NEK1: variants seen among roughly 807,000 people sequenced by gnomAD.
NEK1 encodes NIMA related kinase 1, also known as serine/threonine-protein kinase Nek1.
Under a neutral mutation model 182.1 loss-of-function variants are expected in NEK1, and 137 were observed. That is an observed-to-expected ratio of 0.75 (90% CI 0.65 to 0.87). The LOEUF is 0.87. Among genes scored for constraint, NEK1 ranks in the 40% least tolerant of loss-of-function variants. The pLI is 0.00. For missense variants in NEK1, 1,391 were observed against 1,494.4 expected (o/e 0.93, Z 1.14); for synonymous variants, 513 against 492.2 (o/e 1.04, Z -0.56).
At chr4:169,531,658 A>G (rs1264099208) in intron 19 of NEK1, among the ~76,000 whole-genome samples, 1 of 152,168 alleles carries the variant, frequency 6.6e-6, no homozygotes, top group Non-Finnish European at 1.5e-5. Flanking sequence ...AGAAACAGAC[A>G]TTATTAATCA....
chr4:169,468,213 C>A (rs1237779075), intron 26 of NEK1, among the ~76,000 whole-genome samples: 1 of 151,704 alleles, frequency 6.6e-6, no homozygotes, highest in Non-Finnish European at 1.5e-5. Context: ...GTGAAAGAAG[C>A]CAGACATAAA....
intron 23 of NEK1, among the ~76,000 whole-genome samples, chr4:169,500,135 A>G (rs2149662844): frequency 1.3e-5 from 2 of 152,274 alleles, no homozygotes; most frequent in East Asian, 3.9e-4. Context: ...GCCGCCTTGC[A>G]GTTTGATCTC....
chr4:169,477,068 A>G (rs1181770955), intron 26 of NEK1, 56 bp downstream of exon 26: 13 of 1,202,130 alleles, frequency 1.1e-5, no homozygotes, highest in African/African-American at 1.5e-5. Context: ...TGGTTAGTCT[A>G]TAAGTTTACA....
At chr4:169,532,581 T>C (rs1040418205) in intron 19 of NEK1, among the ~76,000 whole-genome samples, 7 of 152,242 alleles carry the variant, frequency 4.6e-5, no homozygotes, top group South Asian at 2.1e-4. Context: ...ATGAGGTATA[T>C]AGAAAATCCT....
At chr4:169,501,281 C>T (rs1488375359) in intron 23 of NEK1, among the ~76,000 whole-genome samples, 2 of 152,060 alleles carry the variant, frequency 1.3e-5, no homozygotes, top group East Asian at 1.9e-4. Flanking sequence ...AGAAAAGGGA[C>T]AGACAATAAT....
At chr4:169,455,291 C>A (rs779997142) in intron 27 of NEK1, among the ~76,000 whole-genome samples, 1 of 151,318 alleles carries the variant, frequency 6.6e-6, no homozygotes, top group African/African-American at 2.4e-5. Flanking sequence ...CAAACCTGCA[C>A]GTTGTGCACA....
intron 35 of NEK1, among the ~76,000 whole-genome samples, chr4:169,395,897 C>CATAA (rs1561110696): frequency 6.6e-6 from 1 of 152,184 alleles, no homozygotes. Flanking sequence ...AGAAACACTA[C>CATAA]ATAAATGGTG....
intron 23 of NEK1, 47 bp downstream of exon 23, chr4:169,506,990 T>G (rs751732296): frequency 7.5e-7 from 1 of 1,332,072 alleles, no homozygotes; most frequent in Admixed American, 2.0e-5. Flanking sequence ...GGAAGAGCTA[T>G]AAAAATGTTA....
chr4:169,534,796 G>T (rs557248284), intron 19 of NEK1, among the ~76,000 whole-genome samples: 1 of 151,978 alleles, frequency 6.6e-6, no homozygotes, highest in Non-Finnish European at 1.5e-5. Context: ...TATAAAATAC[G>T]CAACGCTTGG....
chr4:169,460,761 A>T (rs1743819353), intron 27 of NEK1, among the ~76,000 whole-genome samples: 2 of 152,296 alleles, frequency 1.3e-5, no homozygotes, highest in South Asian at 4.1e-4. Flanking sequence ...TTTCTGCAGC[A>T]ATGTTTTATG....
chr4:169,454,572 G>GA (rs1329286303), intron 27 of NEK1, among the ~76,000 whole-genome samples: 2 of 152,096 alleles, frequency 1.3e-5, no homozygotes, highest in Non-Finnish European at 2.9e-5. Context: ...ACAAACATAT[G>GA]AAAAAATGCT....
Position 169,507,572 on chromosome 4 carries a change from A to T in NEK1, c.1911+143T>A, listed in dbSNP as rs568545157. ...AAAAAGAGAAAAATACTATTTTTAG[A>T]AACCAAAAAGTGGAGGAGAAAGATG... On this transcript the variant is annotated intron_variant, in intron 22 of 35. Coordinates refer to ENST00000507142, the MANE Select transcript of NEK1 (RefSeq NM_001199397.3). 485 of 499,446 alleles carry T rather than the reference A, an allele frequency of 9.7e-4. 1 individual carries two copies. The highest frequency in any genetic ancestry group is 1.4e-3 in the Non-Finnish European group (419 of 290,038). The allele number at this position is 499,446 out of a possible 1,614,324, so 30.9% of individuals were successfully genotyped here.
intron 27 of NEK1, among the ~76,000 whole-genome samples, chr4:169,442,570 G>A (rs114765038): frequency 0.01 from 1,538 of 152,128 alleles, 14 homozygotes; most frequent in Non-Finnish European, 0.017. Context: ...AAAAGAACAC[G>A]GTAATTCTCC....
At chr4:169,568,907 A>C (rs951405931) in intron 12 of NEK1, among the ~76,000 whole-genome samples, 1 of 150,214 alleles carries the variant, frequency 6.7e-6, no homozygotes, top group African/African-American at 2.5e-5. Context: ...ATTGCACTCC[A>C]GCCTGGGGGA....
At chr4:169,607,699 G>A (rs1196564472) in intron 2 of NEK1, among the ~76,000 whole-genome samples, 9 of 152,084 alleles carry the variant, frequency 5.9e-5, no homozygotes, top group Admixed American at 5.9e-4. Flanking sequence ...TCCTGACCTT[G>A]TGATCCGCCC....
intron 19 of NEK1, among the ~76,000 whole-genome samples, chr4:169,526,251 G>A (rs889541634): frequency 2.6e-5 from 4 of 152,214 alleles, no homozygotes; most frequent in Non-Finnish European, 5.9e-5. Context: ...TATTTTGGTA[G>A]ACTGACATGG....
intron 31 of NEK1, among the ~76,000 whole-genome samples, chr4:169,420,197 T>C (rs758655672): frequency 1.3e-5 from 2 of 152,176 alleles, no homozygotes; most frequent in Non-Finnish European, 2.9e-5. Flanking sequence ...GTCTTCCACC[T>C]CCAATCTAGA....
At chr4:169,572,719 A>G (rs552687569) in intron 12 of NEK1, among the ~76,000 whole-genome samples, 3 of 152,316 alleles carry the variant, frequency 2.0e-5, no homozygotes, top group South Asian at 2.1e-4. Context: ...GAAGAATGTA[A>G]TACCAGGGAC....
chr4:169,497,202 A>G (rs1275863851), intron 23 of NEK1, among the ~76,000 whole-genome samples: 25 of 152,260 alleles, frequency 1.6e-4, no homozygotes, highest in East Asian at 1.9e-4. Flanking sequence ...AGAGGTGTTT[A>G]TAGTATTCTC....
Sources: gnomAD v4.1 joint callset for allele counts (sites outside exome capture counted in the v4.1 genomes callset) on GRCh38, gnomAD v4.1.1 for gene constraint, MANE v1.5 for transcripts, NCBI Gene and HGNC (gene_info 2026-07-23, HGNC 2026-07-21) for gene names.